KCNK13: variants seen among roughly 807,000 people sequenced by gnomAD.
KCNK13 encodes potassium two pore domain channel subfamily K member 13, also known as potassium channel subfamily K member 13.
Under a neutral mutation model 23.4 loss-of-function variants are expected in KCNK13, and 12 were observed. The observed-to-expected ratio is 0.51, with a 90% CI of 0.33 to 0.83. The LOEUF (loss-of-function observed/expected upper bound fraction) is 0.83. KCNK13 is among the 40% of genes least tolerant of loss of function. KCNK13 has a pLI of 0.02. For synonymous variants in KCNK13, 231 were observed against 229.5 expected (o/e 1.01, Z -0.06); for missense variants, 463 against 556.3 (o/e 0.83, Z 1.69).
chr14:90,118,091 C>T (rs1038547968), intron 1 of KCNK13, among the ~76,000 whole-genome samples: 1 of 152,188 alleles, frequency 6.6e-6, no homozygotes. Flanking sequence ...CAAAGCAGTG[C>T]CTCCCCAAAT....
intron 1 of KCNK13, among the ~76,000 whole-genome samples, chr14:90,146,408 T>A (rs1434766771): frequency 6.6e-6 from 1 of 152,134 alleles, no homozygotes; most frequent in African/African-American, 2.4e-5. Context: ...TTTTGCCTCC[T>A]GGGTTCAAGC....
intron 1 of KCNK13, among the ~76,000 whole-genome samples, chr14:90,174,213 G>A (rs1036448949): frequency 6.6e-6 from 1 of 152,158 alleles, no homozygotes; most frequent in Non-Finnish European, 1.5e-5. Flanking sequence ...ATGAGGCTGA[G>A]GCAGGAGAAT....
rs1890532584 is a variant in KCNK13 at position 90,184,922 on chromosome 14, C to T, written c.1146C>T (p.Ala382=). Residue 382 remains alanine (A), a synonymous_variant, in exon 2 of 2, where the codon GCC becomes GCT. Transcript: ENST00000282146. This position sits in a 1 kb window ranked among gnomAD's most constrained non-coding sequence, Gnocchi z 5.6. ...NGCPHQTSTL[A]RDNEFSGGVG... Reference sequence around the variant, plus strand: ...GCCCCCACCAGACCAGCACACTGGCCCGGGACAATGAATTCTCAGGGGGGG... The same window carrying T: ...GCCCCCACCAGACCAGCACACTGGCTCGGGACAATGAATTCTCAGGGGGGG... 6 of 1,613,180 alleles carry T rather than the reference C, an allele frequency of 3.7e-6. No individual in the cohort carries two copies. The South Asian group carries it at 6.6e-5, about 18-fold the overall frequency.
At chr14:90,094,636 C>CT (rs1372119492) in intron 1 of KCNK13, among the ~76,000 whole-genome samples, 2 of 132,248 alleles carry the variant, frequency 1.5e-5, no homozygotes, top group South Asian at 2.4e-4. Flanking sequence ...AGGGACTTTT[C>CT]TTTTTTTTCT....
At chr14:90,087,133 T>C (rs1302579316) in intron 1 of KCNK13, among the ~76,000 whole-genome samples, 91 of 103,246 alleles carry the variant, frequency 8.8e-4, no homozygotes, top group African/African-American at 2.6e-3. Flanking sequence ...TATATACATA[T>C]ATATATATAT....
chr14:90,169,758 C>A (rs1246336156), intron 1 of KCNK13, among the ~76,000 whole-genome samples: 1 of 152,156 alleles, frequency 6.6e-6, no homozygotes, highest in Admixed American at 6.5e-5. Flanking sequence ...CCGGTCTCTC[C>A]TTACCTTAAG....
At chr14:90,094,752 A>T (rs11620927) in intron 1 of KCNK13, among the ~76,000 whole-genome samples, 11,162 of 139,352 alleles carry the variant, frequency 0.08, 524 homozygotes, top group South Asian at 0.16. Context: ...GGTTCACGCC[A>T]TTCTCCTTCC....
intron 1 of KCNK13, among the ~76,000 whole-genome samples, chr14:90,135,155 C>T (rs1405711051): frequency 2.0e-5 from 3 of 152,194 alleles, no homozygotes; most frequent in Non-Finnish European, 2.9e-5. Context: ...TAAAAACACA[C>T]ACATCTCTAC....
At chr14:90,122,366 G>A (rs995052984) in intron 1 of KCNK13, among the ~76,000 whole-genome samples, 1 of 150,482 alleles carries the variant, frequency 6.6e-6, no homozygotes, top group Non-Finnish European at 1.5e-5. Flanking sequence ...CACCCAGGCT[G>A]GAGTGTAGTG....
intron 1 of KCNK13, among the ~76,000 whole-genome samples, chr14:90,081,164 T>C (rs1170685160): frequency 6.6e-6 from 1 of 152,246 alleles, no homozygotes; most frequent in Non-Finnish European, 1.5e-5. Context: ...TGATTTCCAT[T>C]AGTTGGGAAG....
At chr14:90,152,973 C>T (rs1407124957) in intron 1 of KCNK13, among the ~76,000 whole-genome samples, 3 of 152,058 alleles carry the variant, frequency 2.0e-5, no homozygotes, top group African/African-American at 4.8e-5. Flanking sequence ...TAGCTTTGCC[C>T]CTCTGACACT....
At chr14:90,164,529 T>C (rs1212384251) in intron 1 of KCNK13, among the ~76,000 whole-genome samples, 2 of 152,184 alleles carry the variant, frequency 1.3e-5, no homozygotes, top group Non-Finnish European at 2.9e-5. Context: ...AAACTTAATC[T>C]TCTACTAGGG....
intron 1 of KCNK13, among the ~76,000 whole-genome samples, chr14:90,106,944 C>T (rs2140409817): frequency 6.6e-6 from 1 of 152,082 alleles, no homozygotes; most frequent in East Asian, 1.9e-4. Flanking sequence ...TCGCTTGAAT[C>T]CGGGAGGCAG....
intron 1 of KCNK13, among the ~76,000 whole-genome samples, chr14:90,140,560 A>C (rs1350910195): frequency 2.0e-5 from 3 of 152,124 alleles, no homozygotes; most frequent in Non-Finnish European, 4.4e-5. Flanking sequence ...TGGTACTAAA[A>C]CTGGACAAGC....
intron 1 of KCNK13, among the ~76,000 whole-genome samples, chr14:90,137,302 ATTAT>A (rs918064636): frequency 2.7e-5 from 4 of 150,714 alleles, no homozygotes; most frequent in Admixed American, 6.6e-5. Flanking sequence ...ATTTTATTTT[ATTAT>A]TTATTTATTT....
intron 1 of KCNK13, among the ~76,000 whole-genome samples, chr14:90,157,301 G>T (rs1009508407): frequency 7.2e-5 from 11 of 152,110 alleles, no homozygotes; most frequent in Non-Finnish European, 1.6e-4. Context: ...ATAAAAATCT[G>T]CTGTACTCGT....
chr14:90,071,853 G>A lies in KCNK13; in HGVS notation c.334+9314G>A, dbSNP rs190050435. The stretch of plus-strand genomic sequence containing the variant: ...GCGGAAGTTGCAGTGAGCCGAGATC[G>A]CACCACTGCACTCCAGCCTGGGCGA... On this transcript the variant is annotated intron_variant, in intron 1 of 1. Transcript: ENST00000282146. Among the ~76,000 whole-genome samples, 283 of 151,500 alleles carry A rather than the reference G, an allele frequency of 1.9e-3. 4 individuals are homozygous for A. In the East Asian group the frequency reaches 0.035, roughly 18 times the overall value.
intron 1 of KCNK13, among the ~76,000 whole-genome samples, chr14:90,095,337 T>C (rs1322560594): frequency 2.6e-5 from 4 of 152,204 alleles, no homozygotes. Flanking sequence ...ATAACTGCCG[T>C]GAAGACTTGA....
intron 1 of KCNK13, among the ~76,000 whole-genome samples, chr14:90,161,448 A>G (rs1030058934): frequency 6.6e-6 from 1 of 152,238 alleles, no homozygotes; most frequent in Non-Finnish European, 1.5e-5. Context: ...CAAATTTTAT[A>G]TGTATTTTAC....
Sources: allele counts gnomAD v4.1 joint callset (sites outside exome capture counted in the v4.1 genomes callset), GRCh38; gene constraint gnomAD v4.1.1; non-coding constraint Gnocchi (gnomAD v3.1); transcripts MANE v1.5; gene names NCBI Gene and HGNC (gene_info 2026-07-23, HGNC 2026-07-21).